Variants in ZNF131 observed in about 807,000 individuals in gnomAD.
ZNF131 encodes the protein zinc finger and BTB domain containing 35.
In ZNF131, 7 loss-of-function variants were observed where a neutral mutation model predicts 60.0. The observed-to-expected ratio is 0.12, with a 90% confidence interval of 0.07 to 0.22. The LOEUF is 0.22. Ranked by LOEUF, ZNF131 falls within the 10% of genes least tolerant of loss-of-function variation. The pLI is 1.00. For missense variants in ZNF131, 493 were observed against 740.9 expected (o/e 0.67, Z 3.88); for synonymous variants, 257 against 253.2 (o/e 1.01, Z -0.14).
intron 4 of ZNF131, among the ~76,000 whole-genome samples, chr5:43,159,204 G>T (rs1489944939): frequency 1.3e-5 from 2 of 152,090 alleles, no homozygotes; most frequent in South Asian, 2.1e-4. Context: ...TTTCCAGAGT[G>T]GGGGCATTCT....
intron 4 of ZNF131, among the ~76,000 whole-genome samples, chr5:43,160,458 C>T (rs1007080099): frequency 3.9e-5 from 6 of 152,106 alleles, no homozygotes; most frequent in Non-Finnish European, 5.9e-5. Context: ...CAACATCACA[C>T]CACTGCACTC....
intron 5 of ZNF131, among the ~76,000 whole-genome samples, chr5:43,170,932 C>T (rs1260288354): frequency 2.7e-5 from 4 of 149,162 alleles, no homozygotes; most frequent in Admixed American, 6.7e-5. Context: ...CTGCACCCGG[C>T]GATTTTTTAA....
chr5:43,174,464 T>C lies in ZNF131; in HGVS notation c.1203T>C (p.Phe401=), dbSNP rs1279326912. 6.5e-7 allele frequency: 1 copy of C among 1,528,678 alleles called. No homozygotes were observed. Among genetic ancestry groups the C allele is most frequent in the South Asian group, 1.3e-5 (1 of 76,154 alleles). 94.7% of individuals were successfully genotyped at this position (1,528,678 alleles called of 1,614,324 possible). ...LYECQVCNSV[F]NSWDQFKDHL... The stretch of plus-strand genomic sequence containing the variant: ...TATTTCAGGTCTGCAACAGTGTGTT[T>C]AACAGCTGGGACCAGTTCAAAGATC... The change falls in exon 7 of 7, where the codon TTT becomes TTC. Residue 401 remains phenylalanine, a synonymous_variant. Coordinates refer to ENST00000682664, the MANE Select transcript of ZNF131 (RefSeq NM_001330707.2).
chr5:43,160,638 ATAAT>A (rs1323859763), intron 4 of ZNF131, among the ~76,000 whole-genome samples: 1 of 150,540 alleles, frequency 6.6e-6, no homozygotes, highest in Non-Finnish European at 1.5e-5. Context: ...TCCCATACAC[ATAAT>A]TGTTCTAGCA....
At chr5:43,173,474 TC>T (rs3833978) in intron 6 of ZNF131, 26 bp downstream of exon 6, 114,004 of 1,602,088 alleles carry the variant, frequency 0.071, 4,776 homozygotes, top group South Asian at 0.13. Flanking sequence ...TACATTCAGT[TC>T]TTAACAAAGG....
chr5:43,148,301 C>T (rs2111676660), intron 4 of ZNF131, among the ~76,000 whole-genome samples: 1 of 152,204 alleles, frequency 6.6e-6, no homozygotes, highest in East Asian at 1.9e-4. Context: ...ATTGCTTGAG[C>T]CCAGGAGGTT....
intron 4 of ZNF131, among the ~76,000 whole-genome samples, chr5:43,143,777 T>G (rs1258471266): frequency 6.6e-6 from 1 of 152,096 alleles, no homozygotes; most frequent in Non-Finnish European, 1.5e-5. Context: ...TAGCCTTTAC[T>G]TCCTGTGTTA....
At chr5:43,172,980 G>A (rs915932325) in intron 5 of ZNF131, among the ~76,000 whole-genome samples, 2 of 152,132 alleles carry the variant, frequency 1.3e-5, no homozygotes, top group African/African-American at 4.8e-5. Flanking sequence ...AATGCAGAAA[G>A]GAAAATGATG....
intron 5 of ZNF131, among the ~76,000 whole-genome samples, chr5:43,171,011 C>G (rs1750924437): frequency 6.6e-6 from 1 of 151,480 alleles, no homozygotes. Flanking sequence ...ATGGCCTGTT[C>G]TCGGCTCACT....
chr5:43,135,206 G>A (rs1202842268), intron 3 of ZNF131, among the ~76,000 whole-genome samples: 1 of 150,966 alleles, frequency 6.6e-6, no homozygotes, highest in Non-Finnish European at 1.5e-5. Context: ...CCATGTTGAG[G>A]CTGGTCTCGA....
intron 3 of ZNF131, among the ~76,000 whole-genome samples, chr5:43,138,336 G>C (rs934088777): frequency 2.0e-5 from 3 of 152,184 alleles, no homozygotes; most frequent in African/African-American, 7.2e-5. Flanking sequence ...AAATGATTAA[G>C]CATCCAACTA....
intron 5 of ZNF131, among the ~76,000 whole-genome samples, chr5:43,168,442 G>T (rs1289132820): frequency 6.6e-6 from 1 of 152,190 alleles, no homozygotes; most frequent in Admixed American, 6.5e-5. Context: ...CCAATTAGAG[G>T]AATGCCAGGA....
chr5:43,167,590 G>A (rs1248561006), intron 5 of ZNF131, among the ~76,000 whole-genome samples: 1 of 152,094 alleles, frequency 6.6e-6, no homozygotes, highest in East Asian at 1.9e-4. Flanking sequence ...ACTGTAATCT[G>A]TGGCTTGATT....
At chr5:43,149,732 G>T (rs1748066673) in intron 4 of ZNF131, among the ~76,000 whole-genome samples, 1 of 152,080 alleles carries the variant, frequency 6.6e-6, no homozygotes, top group Non-Finnish European at 1.5e-5. Flanking sequence ...TTTTAGCTGG[G>T]CTGGTGGGTA....
chr5:43,161,505 G>A lies in ZNF131; in HGVS notation c.628G>A (p.Ala210Thr). Residue 210 changes from alanine (A) to threonine (T), a missense_variant, in exon 5 of 7, where the codon GCT becomes ACT. Transcript: ENST00000682664. The part of the protein sequence containing the change: ...IQSTGSSDDS[A>T]LALLADITSK... ...GAGCACAGGTTCCTCTGATGATTCT[G>A]CTCTAGCACTGTTGGCAGATATTAC... The A allele has an allele frequency of 6.2e-7, 1 of 1,614,246 alleles. No individual in the cohort carries two copies.
chr5:43,130,572 AT>A (rs890581065), intron 3 of ZNF131, among the ~76,000 whole-genome samples: 1 of 151,004 alleles, frequency 6.6e-6, no homozygotes, highest in African/African-American at 2.4e-5. Flanking sequence ...TTTAATTTTA[AT>A]TTTTTTTTGA....
chr5:43,152,192 G>A (rs1457966769), intron 4 of ZNF131, among the ~76,000 whole-genome samples: 3 of 151,966 alleles, frequency 2.0e-5, no homozygotes, highest in East Asian at 1.9e-4. Flanking sequence ...TAGTGGAGAC[G>A]GAGTTTCACC....
chr5:43,134,481 A>G lies in ZNF131; in HGVS notation c.227-4684A>G, dbSNP rs111838232. The stretch of plus-strand genomic sequence containing the variant: ...GGATGCCTACTCTTATCACTTCAAT[A>G]TAGTACTGGAAATCCTCGTTAGAGC... On this transcript the variant is annotated intron_variant, in intron 3 of 6. Transcript: ENST00000682664. Among the ~76,000 whole-genome samples, 65 of 152,290 alleles carry G rather than the reference A, an allele frequency of 4.3e-4. 1 individual carries two copies. In the South Asian group the frequency reaches 6.8e-3, roughly 16 times the overall value.
chr5:43,144,570 C>T (rs1028328802), intron 4 of ZNF131, among the ~76,000 whole-genome samples: 1 of 152,062 alleles, frequency 6.6e-6, no homozygotes, highest in Non-Finnish European at 1.5e-5. Flanking sequence ...ATCTCATTCT[C>T]CAGTTTTTCC....
Sources: gnomAD v4.1 joint callset for allele counts (sites outside exome capture counted in the v4.1 genomes callset) on GRCh38, gnomAD v4.1.1 for gene constraint, MANE v1.5 for transcripts, NCBI Gene and HGNC (gene_info 2026-07-23, HGNC 2026-07-21) for gene names.